Variants in ERBB4 observed in about 807,000 individuals in gnomAD.
ERBB4 encodes receptor tyrosine-protein kinase erbB-4.
In ERBB4, 42 loss-of-function variants were observed where a neutral mutation model predicts 158.0. The ratio of observed to expected loss-of-function variants is 0.27; its 90% CI spans 0.21 to 0.34. The LOEUF (loss-of-function observed/expected upper bound fraction) is 0.34, where lower values mean the gene tolerates loss of function less well. Among genes scored for constraint, ERBB4 ranks in the 10% least tolerant of loss-of-function variants. The pLI is 1.00. For missense variants in ERBB4, 1,333 were observed against 1,624.1 expected, an observed-to-expected ratio of 0.82 and a Z score of 3.08; for synonymous variants, 583 against 558.7, an observed-to-expected ratio of 1.04 and a Z score of -0.61.
chr2:211,524,946 A>G (rs1574670605), intron 20 of ERBB4, among the ~76,000 whole-genome samples: 1 of 152,192 alleles, frequency 6.6e-6, no homozygotes, highest in Admixed American at 6.5e-5. Context: ...TCTGAACAGC[A>G]GAAAGTAAAA....
intron 1 of ERBB4, among the ~76,000 whole-genome samples, chr2:212,400,800 C>G (rs2091180220): frequency 6.6e-6 from 1 of 152,108 alleles, no homozygotes; most frequent in Admixed American, 6.6e-5. Context: ...CCCACTCTGT[C>G]TCTGAACTTT....
At chr2:211,781,630 A>G (rs2076040616) in intron 4 of ERBB4, among the ~76,000 whole-genome samples, 1 of 152,210 alleles carries the variant, frequency 6.6e-6, no homozygotes, top group Admixed American at 6.5e-5. Flanking sequence ...TAACTGTCAC[A>G]TATTTTAAAA....
At chr2:211,759,319 GC>G in intron 4 of ERBB4, among the ~76,000 whole-genome samples, 1 of 152,034 alleles carries the variant, frequency 6.6e-6, no homozygotes, top group East Asian at 1.9e-4. Context: ...TTCCACCCTG[GC>G]CCCTTTACAA....
intron 20 of ERBB4, among the ~76,000 whole-genome samples, chr2:211,494,242 A>G (rs1025155854): frequency 8.5e-5 from 13 of 152,066 alleles, no homozygotes; most frequent in Admixed American, 7.9e-4. Context: ...ACCTCAGGTG[A>G]TCCGCCTGCC....
chr2:212,362,321 T>C (rs2089719172), intron 1 of ERBB4, among the ~76,000 whole-genome samples: 2 of 151,366 alleles, frequency 1.3e-5, no homozygotes, highest in Non-Finnish European at 3.0e-5. Flanking sequence ...CGGCTAATTT[T>C]AAAGAAAACA....
chr2:211,878,657 G>T (rs13382517), intron 3 of ERBB4, among the ~76,000 whole-genome samples: 47,152 of 133,644 alleles, frequency 0.35, 9,038 homozygotes, highest in African/African-American at 0.44. Flanking sequence ...ATTAAGTTTT[G>T]TTTTTTTTTT....
At chr2:211,525,663 T>G (rs1331615627) in intron 20 of ERBB4, among the ~76,000 whole-genome samples, 3 of 152,144 alleles carry the variant, frequency 2.0e-5, no homozygotes, top group Admixed American at 2.0e-4. Context: ...ATTTTAGGCC[T>G]TGGTTCTTGG....
chr2:211,495,145 T>G (rs1156675217), intron 20 of ERBB4, among the ~76,000 whole-genome samples: 4 of 151,976 alleles, frequency 2.6e-5, no homozygotes, highest in Admixed American at 1.3e-4. Context: ...GAAACTACAC[T>G]TATTGGACAA....
At chr2:211,423,121 T>G (rs548548136) in intron 23 of ERBB4, among the ~76,000 whole-genome samples, 119 of 152,086 alleles carry the variant, frequency 7.8e-4, no homozygotes, top group Non-Finnish European at 1.4e-3. Flanking sequence ...GCCAAGATGC[T>G]AATGAGAAAA....
intron 3 of ERBB4, among the ~76,000 whole-genome samples, chr2:211,888,541 A>T (rs778411517): frequency 3.9e-5 from 6 of 152,114 alleles, no homozygotes; most frequent in Non-Finnish European, 7.4e-5. Flanking sequence ...ACGACAGGGG[A>T]GGAGCCAAGA....
intron 1 of ERBB4, among the ~76,000 whole-genome samples, chr2:212,283,214 G>T (rs1322879659): frequency 6.6e-6 from 1 of 151,942 alleles, no homozygotes; most frequent in South Asian, 2.1e-4. Flanking sequence ...AGGCAAAAAA[G>T]CAATCAGTAT....
chr2:211,562,782 T>A (rs2067435831), intron 19 of ERBB4, among the ~76,000 whole-genome samples: 1 of 144,834 alleles, frequency 6.9e-6, no homozygotes, highest in Non-Finnish European at 1.5e-5. Context: ...TTTTTTTTTT[T>A]TTTTTTTGAG....
intron 2 of ERBB4, among the ~76,000 whole-genome samples, chr2:212,056,708 C>A (rs146646701): frequency 6.6e-6 from 1 of 152,114 alleles, no homozygotes; most frequent in Non-Finnish European, 1.5e-5. Flanking sequence ...AAATAAAGAC[C>A]TTTATAGACA....
chr2:211,790,577 A>G (rs1230516486), intron 3 of ERBB4, among the ~76,000 whole-genome samples: 2 of 152,058 alleles, frequency 1.3e-5, no homozygotes, highest in East Asian at 1.9e-4. Flanking sequence ...AGCTTGGCTT[A>G]TACTTGGAAA....
At chr2:211,757,808 C>G (rs2075318713) in intron 4 of ERBB4, among the ~76,000 whole-genome samples, 2 of 152,270 alleles carry the variant, frequency 1.3e-5, no homozygotes, top group Admixed American at 1.3e-4. Flanking sequence ...TTTCCTGAGG[C>G]CTTCTGGAAA....
At chr2:212,144,982 C>A (rs191637679) in intron 1 of ERBB4, among the ~76,000 whole-genome samples, 1 of 152,022 alleles carries the variant, frequency 6.6e-6, no homozygotes, top group African/African-American at 2.4e-5. Context: ...ATTCGTAAAC[C>A]ACTTTGGGGG....
chr2:211,604,610 G>A (rs1407692475), intron 19 of ERBB4, among the ~76,000 whole-genome samples: 2 of 152,144 alleles, frequency 1.3e-5, no homozygotes, highest in Admixed American at 6.5e-5. Flanking sequence ...TCACCAAAAC[G>A]ACAGTTAGAT....
intron 1 of ERBB4, among the ~76,000 whole-genome samples, chr2:212,398,139 T>C (rs1009740055): frequency 6.6e-6 from 1 of 151,760 alleles, no homozygotes; most frequent in East Asian, 1.9e-4. Flanking sequence ...TATACACATA[T>C]ATATATACAC....
At chr2:211,575,384 G>A (rs2067859267) in intron 19 of ERBB4, among the ~76,000 whole-genome samples, 1 of 152,126 alleles carries the variant, frequency 6.6e-6, no homozygotes, top group Non-Finnish European at 1.5e-5. Flanking sequence ...TTTTCAGGAG[G>A]AACTAAGACT....
Sources: allele counts gnomAD v4.1 joint callset (sites outside exome capture counted in the v4.1 genomes callset), GRCh38; gene constraint gnomAD v4.1.1; transcripts MANE v1.5; gene names NCBI Gene and HGNC (gene_info 2026-07-23, HGNC 2026-07-21).